SLC10A7: variants seen among roughly 807,000 people sequenced by gnomAD.
SLC10A7 encodes sodium/bile acid cotransporter 7.
In SLC10A7, 29 loss-of-function variants were observed where a neutral mutation model predicts 43.2. That is an observed-to-expected ratio of 0.67 (90% confidence interval 0.50 to 0.92). The LOEUF is 0.92. SLC10A7 is among the 40% of genes least tolerant of loss of function. The pLI is 0.00. For missense variants in SLC10A7, 295 were observed against 403.2 expected, an observed-to-expected ratio of 0.73 and a Z score of 2.30; for synonymous variants, 152 against 144.8, an observed-to-expected ratio of 1.05 and a Z score of -0.35.
At chr4:146,444,000 A>G (rs1730820802) in intron 4 of SLC10A7, among the ~76,000 whole-genome samples, 1 of 152,208 alleles carries the variant, frequency 6.6e-6, no homozygotes, top group Non-Finnish European at 1.5e-5. Flanking sequence ...ACAATGGCAT[A>G]TGGTGTTCTG....
chr4:146,290,545 A>G (rs760549809), intron 9 of SLC10A7, among the ~76,000 whole-genome samples: 1 of 152,010 alleles, frequency 6.6e-6, no homozygotes, highest in Non-Finnish European at 1.5e-5. Context: ...TGCTGGTTTG[A>G]CTGTAAGTCA....
At chr4:146,331,370 T>A (rs372055466) in intron 5 of SLC10A7, among the ~76,000 whole-genome samples, 48 of 152,354 alleles carry the variant, frequency 3.2e-4, no homozygotes, top group African/African-American at 1.1e-3. Flanking sequence ...TATAAAAGTA[T>A]ATGTTAACTT....
At chr4:146,312,357 T>C (rs974598494) in intron 6 of SLC10A7, among the ~76,000 whole-genome samples, 1 of 152,156 alleles carries the variant, frequency 6.6e-6, no homozygotes, top group African/African-American at 2.4e-5. Flanking sequence ...TTGATATACA[T>C]ATATATTACA....
intron 4 of SLC10A7, among the ~76,000 whole-genome samples, chr4:146,491,466 G>A (rs1735408545): frequency 6.6e-6 from 1 of 151,698 alleles, no homozygotes. Context: ...TCAATTTAGT[G>A]AATAATGATT....
chr4:146,365,096 C>A (rs963133240), intron 5 of SLC10A7, among the ~76,000 whole-genome samples: 1 of 152,014 alleles, frequency 6.6e-6, no homozygotes, highest in Admixed American at 6.6e-5. Flanking sequence ...TCAAAGAAAT[C>A]TGAAATTCTA....
chr4:146,304,331 G>A lies in SLC10A7; in HGVS notation c.555+1595C>T, dbSNP rs547438833. Among the ~76,000 whole-genome samples, 10 of 151,602 alleles carry A rather than the reference G, an allele frequency of 6.6e-5. No homozygotes were observed. In the South Asian group the frequency reaches 1.7e-3, roughly 25 times the overall value. ...TGTTCCCAACAATGGTCATAAACAC[G>A]GAGACCTTATCAAAAGTTGCAGAAT... On this transcript the variant is annotated intron_variant, in intron 7 of 11. Transcript: ENST00000335472.
At chr4:146,374,764 T>C (rs1347693454) in intron 5 of SLC10A7, among the ~76,000 whole-genome samples, 1 of 152,098 alleles carries the variant, frequency 6.6e-6, no homozygotes, top group Non-Finnish European at 1.5e-5. Flanking sequence ...GTGAAATTAC[T>C]TTAACATAGT....
chr4:146,516,771 T>G (rs962255967), intron 2 of SLC10A7, among the ~76,000 whole-genome samples: 1 of 152,068 alleles, frequency 6.6e-6, no homozygotes, highest in Non-Finnish European at 1.5e-5. Flanking sequence ...GAGGAAGAAC[T>G]AAAGTAGATG....
chr4:146,271,723 C>T (rs748580675), intron 10 of SLC10A7, among the ~76,000 whole-genome samples: 17 of 152,180 alleles, frequency 1.1e-4, no homozygotes, highest in Non-Finnish European at 2.4e-4. Flanking sequence ...TCTCCCATTA[C>T]CATTCCCCGG....
chr4:146,414,409 A>G (rs1487530366), intron 5 of SLC10A7, among the ~76,000 whole-genome samples: 1 of 152,144 alleles, frequency 6.6e-6, no homozygotes, highest in African/African-American at 2.4e-5. Flanking sequence ...AGGGGCTAAC[A>G]TGAAGTTCAC....
At chr4:146,505,790 C>A (rs772304724) in intron 3 of SLC10A7, among the ~76,000 whole-genome samples, 2 of 152,200 alleles carry the variant, frequency 1.3e-5, no homozygotes, top group African/African-American at 2.4e-5. Flanking sequence ...CTACTATCAT[C>A]ATCACTAATA....
At chr4:146,349,160 C>T (rs1425128309) in intron 5 of SLC10A7, among the ~76,000 whole-genome samples, 1 of 151,974 alleles carries the variant, frequency 6.6e-6, no homozygotes, top group African/African-American at 2.4e-5. Context: ...ACAATTAGAC[C>T]CACAACCTAC....
At chr4:146,307,088 C>T (rs892633420) in intron 6 of SLC10A7, among the ~76,000 whole-genome samples, 4 of 152,122 alleles carry the variant, frequency 2.6e-5, no homozygotes, top group Non-Finnish European at 2.9e-5. Context: ...TGAAGTGGTA[C>T]GGGAACAGTG....
chr4:146,279,325 G>T (rs775885607), intron 10 of SLC10A7, among the ~76,000 whole-genome samples: 3 of 152,178 alleles, frequency 2.0e-5, no homozygotes, highest in Non-Finnish European at 1.5e-5. Flanking sequence ...GATAAGCAAA[G>T]TGATTTGAAT....
intron 2 of SLC10A7, among the ~76,000 whole-genome samples, chr4:146,513,137 A>C (rs1048674996): frequency 1.3e-5 from 2 of 152,062 alleles, no homozygotes; most frequent in African/African-American, 4.8e-5. Context: ...AGTTGGTGGA[A>C]GAGTGAAAAA....
At chr4:146,498,648 A>G (rs563929212) in intron 4 of SLC10A7, among the ~76,000 whole-genome samples, 36 of 152,354 alleles carry the variant, frequency 2.4e-4, no homozygotes, top group African/African-American at 7.9e-4. Context: ...CCACAAAAGA[A>G]GATTGTCAGT....
At chr4:146,347,680 AC>A (rs546492167) in intron 5 of SLC10A7, among the ~76,000 whole-genome samples, 2 of 152,292 alleles carry the variant, frequency 1.3e-5, no homozygotes, top group African/African-American at 4.8e-5. Context: ...AAATTCAAAG[AC>A]TAAAAACCCT....
intron 5 of SLC10A7, among the ~76,000 whole-genome samples, chr4:146,376,910 A>C (rs1355784723): frequency 1.3e-5 from 2 of 152,164 alleles, no homozygotes; most frequent in African/African-American, 4.8e-5. Context: ...AGAAATGTTT[A>C]AGAGGCAAAG....
chr4:146,487,697 A>G (rs1735043245), intron 4 of SLC10A7, among the ~76,000 whole-genome samples: 1 of 152,250 alleles, frequency 6.6e-6, no homozygotes, highest in African/African-American at 2.4e-5. Context: ...CTACAAAACC[A>G]GAATAATATA....
Sources: gnomAD v4.1 joint callset for allele counts (sites outside exome capture counted in the v4.1 genomes callset) on GRCh38, gnomAD v4.1.1 for gene constraint, MANE v1.5 for transcripts, NCBI Gene and HGNC (gene_info 2026-07-23, HGNC 2026-07-21) for gene names.